The following KCNIP4 variants were observed in gnomAD, a reference collection of about 807,000 sequenced individuals.
KCNIP4 encodes the protein potassium voltage-gated channel interacting protein 4.
KCNIP4 carries 12 observed loss-of-function variants against 34.0 expected under a neutral mutation model. The ratio of observed to expected loss-of-function variants is 0.35; its 90% CI spans 0.23 to 0.57. The LOEUF is 0.57. Ranked by LOEUF, KCNIP4 falls within the 20% of genes least tolerant of loss-of-function variation. The pLI, the probability that KCNIP4 is intolerant of heterozygous loss-of-function variation, is 0.83. For missense variants in KCNIP4, 238 were observed against 311.7 expected, an observed-to-expected ratio of 0.76 and a Z score of 1.78; for synonymous variants, 124 against 102.2, an observed-to-expected ratio of 1.21 and a Z score of -1.29.
At chr4:20,986,610 A>G (rs768080966) in intron 1 of KCNIP4, among the ~76,000 whole-genome samples, 2 of 152,242 alleles carry the variant, frequency 1.3e-5, no homozygotes, top group Non-Finnish European at 2.9e-5. Context: ...ATGGTTAGAA[A>G]ACCCAGAATT....
rs558820090 is a variant in KCNIP4, at chr4:21,537,730, T to C, written c.61+410841A>G. ...TATCATCCTTACAAGAAGAGGGAAATTGACCTGGCGCAGTAGCTCACGCCT... is the reference window on the plus strand; with the variant it reads ...TATCATCCTTACAAGAAGAGGGAAACTGACCTGGCGCAGTAGCTCACGCCT... On this transcript the variant is annotated intron_variant, in intron 1 of 8. Transcript: ENST00000382152. Among the ~76,000 whole-genome samples the C allele has an allele frequency of 3.0e-4, 46 of 152,026 alleles. 1 individual carries two copies. The South Asian group carries it at 3.5e-3, about 12-fold the overall frequency.
intron 1 of KCNIP4, among the ~76,000 whole-genome samples, chr4:21,128,479 A>G (rs977233495): frequency 3.3e-5 from 5 of 152,192 alleles, no homozygotes; most frequent in Admixed American, 6.5e-5. Flanking sequence ...AGGAGACTAT[A>G]AGGATTGAGG....
chr4:21,117,707 A>G (rs529871238), intron 1 of KCNIP4, among the ~76,000 whole-genome samples: 26 of 152,188 alleles, frequency 1.7e-4, no homozygotes, highest in African/African-American at 6.3e-4. Flanking sequence ...AGCTGTTTGA[A>G]TGGGCCCCTA....
chr4:21,596,508 T>C (rs73254311), intron 1 of KCNIP4, among the ~76,000 whole-genome samples: 4,673 of 152,242 alleles, frequency 0.031, 77 homozygotes, highest in South Asian at 0.073. Context: ...GCTAAAGTCA[T>C]AGTCAAATCA....
chr4:21,734,652 T>A (rs1715856700), intron 1 of KCNIP4, among the ~76,000 whole-genome samples: 1 of 152,154 alleles, frequency 6.6e-6, no homozygotes, highest in South Asian at 2.1e-4. Context: ...TTGACTCAAT[T>A]GGTAGACAAA....
At chr4:21,729,818 A>T (rs1841180) in intron 1 of KCNIP4, 4 of 152,026 alleles carry the variant, frequency 2.6e-5, no homozygotes, top group Non-Finnish European at 4.4e-5. Flanking sequence ...AAAACATAAA[A>T]GTATTTTATA....
intron 3 of KCNIP4, among the ~76,000 whole-genome samples, chr4:20,847,583 G>A (rs990880909): frequency 3.9e-5 from 6 of 152,134 alleles, no homozygotes; most frequent in Non-Finnish European, 7.4e-5. Flanking sequence ...ACCTAAAAAT[G>A]TGTGGGAGCC....
chr4:21,264,639 GTC>G (rs1176337951), intron 1 of KCNIP4, among the ~76,000 whole-genome samples: 1 of 152,290 alleles, frequency 6.6e-6, no homozygotes, highest in Admixed American at 6.5e-5. Context: ...TTTTGGAGCA[GTC>G]TCTGACACAT....
At chr4:21,338,392 T>TA (rs1716401611) in intron 1 of KCNIP4, among the ~76,000 whole-genome samples, 1 of 150,790 alleles carries the variant, frequency 6.6e-6, no homozygotes, top group African/African-American at 2.4e-5. Flanking sequence ...TTTTTTTAAA[T>TA]ACATTGCTGA....
chr4:21,948,120 G>A (rs1325350268), intron 1 of KCNIP4, among the ~76,000 whole-genome samples: 1 of 152,188 alleles, frequency 6.6e-6, no homozygotes, highest in Non-Finnish European at 1.5e-5. Context: ...ATTACCAGGG[G>A]ACAAAAATAC....
intron 1 of KCNIP4, among the ~76,000 whole-genome samples, chr4:21,586,183 T>C (rs570368380): frequency 6.6e-6 from 1 of 152,234 alleles, no homozygotes; most frequent in African/African-American, 2.4e-5. Flanking sequence ...TATCATCCTG[T>C]AGTTTTCATT....
At chr4:20,802,244 A>C (rs148717316) in intron 3 of KCNIP4, among the ~76,000 whole-genome samples, 1 of 146,494 alleles carries the variant, frequency 6.8e-6, no homozygotes, top group Non-Finnish European at 1.5e-5. Flanking sequence ...CATATATGCT[A>C]TATATATGCT....
chr4:21,130,053 A>G (rs964303898), intron 1 of KCNIP4, among the ~76,000 whole-genome samples: 2 of 152,040 alleles, frequency 1.3e-5, no homozygotes, highest in Non-Finnish European at 2.9e-5. Context: ...GTTTTGACCT[A>G]GGAGGGAGCC....
intron 1 of KCNIP4, among the ~76,000 whole-genome samples, chr4:21,514,142 G>A (rs985362899): frequency 1.8e-4 from 28 of 152,164 alleles, no homozygotes; most frequent in African/African-American, 6.8e-4. Flanking sequence ...CCAGAAAAAT[G>A]TTAACTGTAA....
chr4:21,168,215 T>C (rs1292643290), intron 1 of KCNIP4, among the ~76,000 whole-genome samples: 1 of 152,188 alleles, frequency 6.6e-6, no homozygotes, highest in Non-Finnish European at 1.5e-5. Flanking sequence ...ATCGTTGCCT[T>C]TACCCCAGGC....
At chr4:20,750,075 G>T (rs1016648153) in intron 4 of KCNIP4, among the ~76,000 whole-genome samples, 1 of 152,208 alleles carries the variant, frequency 6.6e-6, no homozygotes, top group African/African-American at 2.4e-5. Flanking sequence ...GTTTGGAAGA[G>T]ACCATCTCTA....
intron 1 of KCNIP4, among the ~76,000 whole-genome samples, chr4:21,873,516 C>G (rs939882329): frequency 6.6e-6 from 1 of 152,136 alleles, no homozygotes; most frequent in Non-Finnish European, 1.5e-5. Context: ...TACACACATA[C>G]CACAGTGCCT....
intron 1 of KCNIP4, chr4:21,303,944 A>G: frequency 1.3e-6 from 2 of 1,593,070 alleles, no homozygotes; most frequent in South Asian, 1.1e-5. Context: ...GCCACTGAGA[A>G]GTGCTCCTCT....
intron 1 of KCNIP4, among the ~76,000 whole-genome samples, chr4:20,985,368 T>C (rs1736476991): frequency 6.6e-6 from 1 of 152,186 alleles, no homozygotes; most frequent in South Asian, 2.1e-4. Flanking sequence ...ATCAATATTG[T>C]AGTGACTTTT....
Sources: allele counts gnomAD v4.1 joint callset (sites outside exome capture counted in the v4.1 genomes callset), GRCh38; gene constraint gnomAD v4.1.1; transcripts MANE v1.5; gene names NCBI Gene and HGNC (gene_info 2026-07-23, HGNC 2026-07-21).